The following DPP10 variants were observed in gnomAD, a reference collection of about 807,000 sequenced individuals.
The protein encoded by DPP10 is inactive dipeptidyl peptidase 10.
A neutral mutation model predicts 120.9 loss-of-function variants in DPP10; 33 were observed. The observed-to-expected ratio is 0.27, with a 90% CI of 0.21 to 0.37. The LOEUF (loss-of-function observed/expected upper bound fraction) is 0.37, where lower values mean the gene tolerates loss of function less well. DPP10 is among the 10% of genes least tolerant of loss of function. The probability of loss-of-function intolerance (pLI) is 1.00; values close to 1 mark genes in which losing one functional copy is unlikely to be tolerated. For synonymous variants in DPP10, 337 were observed against 326.1 expected (o/e 1.03, Z -0.36); for missense variants, 816 against 942.8 (o/e 0.87, Z 1.76).
chr2:115,625,452 C>T (rs2085286472), intron 5 of DPP10, among the ~76,000 whole-genome samples: 1 of 152,034 alleles, frequency 6.6e-6, no homozygotes. Flanking sequence ...CAGTTTTAGA[C>T]TTCATTATGA....
chr2:114,661,114 A>G (rs1697367732), intron 1 of DPP10, among the ~76,000 whole-genome samples: 1 of 152,194 alleles, frequency 6.6e-6, no homozygotes, highest in Non-Finnish European at 1.5e-5. Flanking sequence ...CCCAAATGAT[A>G]TATGCTCATT....
intron 1 of DPP10, among the ~76,000 whole-genome samples, chr2:114,789,863 T>A (rs1449445412): frequency 6.6e-6 from 1 of 152,216 alleles, no homozygotes; most frequent in African/African-American, 2.4e-5. Context: ...GTGAGTCGGA[T>A]TAGTTTGTCT....
At chr2:114,936,456 T>C (rs1696487441) in intron 1 of DPP10, among the ~76,000 whole-genome samples, 1 of 151,806 alleles carries the variant, frequency 6.6e-6, no homozygotes, top group Non-Finnish European at 1.5e-5. Context: ...CACATATATA[T>C]ACATAAACAT....
rs548829341 is a variant in DPP10 at position 114,836,820 on chromosome 2, C to T, written c.60+393982C>T. Reference sequence around the variant, plus strand: ...CACCCAAGGGGGCCAATTTAGAGACCCACCTCAGTGATGCATTCTCTTTCT... The same window carrying T: ...CACCCAAGGGGGCCAATTTAGAGACTCACCTCAGTGATGCATTCTCTTTCT... On this transcript the variant is annotated intron_variant, in intron 1 of 25. Coordinates refer to ENST00000410059, the MANE Select transcript of DPP10 (RefSeq NM_020868.6). Among the ~76,000 whole-genome samples, 16 of 152,268 alleles carry T rather than the reference C, an allele frequency of 1.1e-4. No homozygotes were observed. The East Asian group carries it at 2.7e-3, about 26-fold the overall frequency.
chr2:114,680,395 G>A (rs995222804), intron 1 of DPP10, among the ~76,000 whole-genome samples: 1 of 151,958 alleles, frequency 6.6e-6, no homozygotes, highest in East Asian at 1.9e-4. Flanking sequence ...TTTTTTAAGA[G>A]CTTTGAGAGT....
At chr2:115,813,208 C>T (rs1686851395) in intron 19 of DPP10, among the ~76,000 whole-genome samples, 2 of 146,640 alleles carry the variant, frequency 1.4e-5, no homozygotes, top group Non-Finnish European at 2.9e-5. Flanking sequence ...GTCTCGATCT[C>T]CTGACCTCAT....
intron 1 of DPP10, among the ~76,000 whole-genome samples, chr2:114,662,967 G>A (rs552832225): frequency 6.6e-6 from 1 of 152,258 alleles, no homozygotes; most frequent in East Asian, 1.9e-4. Flanking sequence ...TTTAGCTACT[G>A]TTCATTAGTT....
chr2:115,699,043 A>AAAAAAAC (rs2091757268), intron 7 of DPP10, among the ~76,000 whole-genome samples: 1 of 145,452 alleles, frequency 6.9e-6, no homozygotes, highest in Admixed American at 6.9e-5. Context: ...AAACAAAAAA[A>AAAAAAAC]AAAAAACAAG....
chr2:114,944,099 G>A (rs1043859530), intron 1 of DPP10, among the ~76,000 whole-genome samples: 2 of 152,150 alleles, frequency 1.3e-5, no homozygotes, highest in Admixed American at 6.5e-5. Flanking sequence ...ATGTGTAATA[G>A]TTTTTCAGGA....
chr2:115,352,690 A>G (rs2106312044), intron 3 of DPP10, among the ~76,000 whole-genome samples: 1 of 152,212 alleles, frequency 6.6e-6, no homozygotes, highest in East Asian at 1.9e-4. Context: ...TTCCTCATTG[A>G]GCACAAATCT....
intron 3 of DPP10, among the ~76,000 whole-genome samples, chr2:115,471,983 C>A (rs1013161949): frequency 1.4e-4 from 21 of 152,080 alleles, no homozygotes; most frequent in Admixed American, 6.5e-4. Flanking sequence ...GGAATATTCT[C>A]CCCATCTGAT....
rs1313804979 is a variant in DPP10 at position 115,746,119 on chromosome 2, G to A, written c.886G>A (p.Val296Ile). 6.2e-7 allele frequency: 1 copy of A among 1,611,552 alleles called. No homozygotes were observed. The highest frequency in any genetic ancestry group is 1.7e-5 in the Admixed American group (1 of 59,308). The change falls in exon 10 of 26, where the codon GTT (valine) becomes ATT (isoleucine). Residue 296 changes from valine to isoleucine, a missense_variant. By Grantham distance (29) the Val-to-Ile change is conservative (BLOSUM62 3). Transcript: ENST00000410059. ...GQVNPTIKLYVVNLYGPTHTL... is the reference protein window; with the variant it reads ...GQVNPTIKLYIVNLYGPTHTL... ...AGTGAACCCAACAATAAAATTATAT[G>A]TTGTAAACCTGTATGGACCAACTCA...
At chr2:114,565,745 G>T (rs990031246) in intron 1 of DPP10, among the ~76,000 whole-genome samples, 1 of 152,150 alleles carries the variant, frequency 6.6e-6, no homozygotes, top group African/African-American at 2.4e-5. Context: ...TATAAACTAC[G>T]TGACTTCCTG....
At chr2:115,263,468 A>G (rs889600628) in intron 1 of DPP10, among the ~76,000 whole-genome samples, 2 of 152,192 alleles carry the variant, frequency 1.3e-5, no homozygotes, top group Non-Finnish European at 2.9e-5. Context: ...CATGATATCT[A>G]TGATTCTTTA....
At chr2:114,941,117 G>A (rs1157520295) in intron 1 of DPP10, among the ~76,000 whole-genome samples, 6 of 152,174 alleles carry the variant, frequency 3.9e-5, no homozygotes, top group Non-Finnish European at 7.4e-5. Context: ...AGTGCTAAAT[G>A]AGAATCGAAA....
intron 1 of DPP10, among the ~76,000 whole-genome samples, chr2:114,541,458 C>G (rs888116098): frequency 6.6e-6 from 1 of 152,124 alleles, no homozygotes; most frequent in Non-Finnish European, 1.5e-5. Flanking sequence ...CTCAAAACCC[C>G]CCTTTTTCCT....
chr2:115,658,000 A>G (rs2088551572), intron 5 of DPP10, among the ~76,000 whole-genome samples: 1 of 152,004 alleles, frequency 6.6e-6, no homozygotes. Flanking sequence ...AAATTGTTGT[A>G]GTATTCCAAG....
chr2:115,824,200 G>A lies in DPP10; in HGVS notation c.1950+8471G>A, dbSNP rs189641689. On this transcript the variant is annotated intron_variant, in intron 21 of 25. Transcript: ENST00000410059. ...TAAAAAAATGCTCAATGTTTTTGTC[G>A]TGTGTATAATTGTTTAGTTTAATTT... Among the ~76,000 whole-genome samples, 17 of 152,192 alleles carry A rather than the reference G, an allele frequency of 1.1e-4. No individual in the cohort carries two copies. In the South Asian group the frequency reaches 1.4e-3, roughly 13 times the overall value.
chr2:115,253,899 C>G (rs2058860120), intron 1 of DPP10, among the ~76,000 whole-genome samples: 1 of 152,224 alleles, frequency 6.6e-6, no homozygotes, highest in South Asian at 2.1e-4. Context: ...TGTGGGCCCT[C>G]CAACCCCATA....
Sources: gnomAD v4.1 joint callset for allele counts (sites outside exome capture counted in the v4.1 genomes callset) on GRCh38, gnomAD v4.1.1 for gene constraint, MANE v1.5 for transcripts, NCBI Gene and HGNC (gene_info 2026-07-23, HGNC 2026-07-21) for gene names.